The following NPAS2 variants were observed in gnomAD, a reference collection of about 807,000 sequenced individuals.
The protein encoded by NPAS2 is neuronal PAS domain protein 2, also known as neuronal PAS domain-containing protein 2.
A neutral mutation model predicts 107.5 loss-of-function variants in NPAS2; 23 were observed. The ratio of observed to expected loss-of-function variants is 0.21; its 90% CI spans 0.15 to 0.30. The LOEUF is 0.30. NPAS2 is among the 10% of genes least tolerant of loss of function. The pLI is 1.00. For synonymous variants in NPAS2, 403 were observed against 417.5 expected (o/e 0.97, Z 0.42); for missense variants, 756 against 1,043.3 (o/e 0.72, Z 3.79).
intron 9 of NPAS2, 54 bp downstream of exon 9, chr2:100,964,997 G>T (rs758412466): frequency 8.4e-7 from 1 of 1,192,400 alleles, no homozygotes; most frequent in Non-Finnish European, 1.2e-6. Context: ...TCTTGTTTGC[G>T]TGAGCCAGGC....
chr2:100,916,661 G>T (rs1682897306), intron 2 of NPAS2, among the ~76,000 whole-genome samples: 1 of 152,142 alleles, frequency 6.6e-6, no homozygotes, highest in Admixed American at 6.5e-5. Flanking sequence ...AATAGAACTA[G>T]TAGAGTAAAC....
At chr2:100,892,217 C>T (rs1415100901) in intron 1 of NPAS2, among the ~76,000 whole-genome samples, 10 of 152,200 alleles carry the variant, frequency 6.6e-5, no homozygotes, top group Non-Finnish European at 1.0e-4. Flanking sequence ...ATCCAGATAT[C>T]ATGGCCGTTT....
intron 7 of NPAS2, among the ~76,000 whole-genome samples, chr2:100,953,294 A>G (rs1675347883): frequency 6.6e-6 from 1 of 151,656 alleles, no homozygotes; most frequent in African/African-American, 2.4e-5. Flanking sequence ...GAATGGCTTG[A>G]ACCCGGGAGG....
chr2:100,925,344 T>G, intron 3 of NPAS2, 50 bp downstream of exon 3: 1 of 1,587,098 alleles, frequency 6.3e-7, no homozygotes, highest in Non-Finnish European at 8.6e-7. Flanking sequence ...CCCGTCCATG[T>G]GGTGATGACT....
chr2:100,916,505 TAAAG>T, intron 2 of NPAS2, among the ~76,000 whole-genome samples: 1 of 152,268 alleles, frequency 6.6e-6, no homozygotes, highest in African/African-American at 2.4e-5. Flanking sequence ...TTACTAGGAA[TAAAG>T]AGTGACATTA....
intron 7 of NPAS2, among the ~76,000 whole-genome samples, chr2:100,963,168 A>G (rs900814187): frequency 6.6e-6 from 1 of 152,212 alleles, no homozygotes; most frequent in African/African-American, 2.4e-5. Flanking sequence ...CAACCCCTGT[A>G]TCAGCCTGGG....
chr2:100,932,855 A>G, intron 3 of NPAS2, 55 bp from the exon 4 acceptor site: 4 of 1,228,460 alleles, frequency 3.3e-6, no homozygotes, highest in Non-Finnish European at 4.8e-6. Context: ...TCATTTGTTA[A>G]TTCCAATTTC....
rs376742331 is a variant in NPAS2 at position 100,921,213 on chromosome 2, C to T, written c.33-3933C>T. On this transcript the variant is annotated intron_variant, in intron 2 of 20. Coordinates refer to ENST00000335681, the MANE Select transcript of NPAS2 (RefSeq NM_002518.4). ...TGGAGCCAGCCTGTGGCACCACTTC[C>T]CAGACCTGTGATGGTGGTGAGTTAC... 3.5e-3 allele frequency among the ~76,000 whole-genome samples: 526 copies of T among 152,310 alleles called. 2 individuals are homozygous for T. The highest frequency in any genetic ancestry group is 0.012 in the African/African-American group (497 of 41,558).
intron 1 of NPAS2, among the ~76,000 whole-genome samples, chr2:100,834,248 C>T (rs762675945): frequency 3.3e-5 from 5 of 152,182 alleles, no homozygotes; most frequent in Non-Finnish European, 5.9e-5. Context: ...TGGGCTCAGC[C>T]GGCGCACTCT....
rs1171083234 is a variant in NPAS2 at position 100,975,548 on chromosome 2, G to A, written c.1373G>A (p.Ser458Asn). 1 of 1,611,566 alleles carries A rather than the reference G, an allele frequency of 6.2e-7. No individual in the cohort carries two copies. The change falls in exon 14 of 21, where the codon AGC (serine) becomes AAC (asparagine). Residue 458 changes from serine to asparagine, a missense_variant. Ser to Asn is a conservative substitution (Grantham distance 46, BLOSUM62 1). Coordinates refer to ENST00000335681, the MANE Select transcript of NPAS2 (RefSeq NM_002518.4). ...CAAGAGTTACCTGTCCCCGGGCTCA[G>A]CCAGGCAGCCACCATGCCGGTAAGT... ...LPQELPVPGL[S>N]QAATMPAPLP...
intron 1 of NPAS2, among the ~76,000 whole-genome samples, chr2:100,829,985 G>A (rs58570823): frequency 0.044 from 6,655 of 152,036 alleles, 401 homozygotes; most frequent in East Asian, 0.3. Flanking sequence ...GATGACAAAA[G>A]AAAAAACCTT....
chr2:100,930,663 A>G (rs1424950054), intron 3 of NPAS2, among the ~76,000 whole-genome samples: 3 of 152,176 alleles, frequency 2.0e-5, no homozygotes. Context: ...ACTTCCAAGG[A>G]GTCTAATTCA....
chr2:100,954,032 C>T (rs1573710155), intron 7 of NPAS2, among the ~76,000 whole-genome samples: 1 of 152,152 alleles, frequency 6.6e-6, no homozygotes, highest in Admixed American at 6.5e-5. Flanking sequence ...AGAGAAGCAC[C>T]GGGGTTGGTC....
intron 12 of NPAS2, among the ~76,000 whole-genome samples, chr2:100,972,380 C>T (rs769599121): frequency 4.2e-4 from 64 of 152,192 alleles, no homozygotes; most frequent in Non-Finnish European, 6.3e-4. Flanking sequence ...AGGGGAGTAC[C>T]TCTTAGAACT....
At chr2:100,837,583 G>C (rs1464656614) in intron 1 of NPAS2, among the ~76,000 whole-genome samples, 4 of 152,120 alleles carry the variant, frequency 2.6e-5, no homozygotes, top group Non-Finnish European at 4.4e-5. Context: ...AAAATGCTGC[G>C]ATTACAGGCA....
intron 12 of NPAS2, among the ~76,000 whole-genome samples, chr2:100,971,982 C>A (rs542212756): frequency 5.7e-4 from 84 of 148,244 alleles, no homozygotes; most frequent in South Asian, 8.5e-4. Context: ...CACTTTGTTG[C>A]CCCAGCTGGA....
rs564251783 is a variant in NPAS2, at chr2:100,923,297, C to T, written c.33-1849C>T. On this transcript the variant is annotated intron_variant, in intron 2 of 20. Coordinates refer to ENST00000335681, the MANE Select transcript of NPAS2 (RefSeq NM_002518.4). ...CTAGGTAAAGGGTAGTGACCACACACGTTAGCTGAGCTTTGAAGAATTGCC... is the reference window on the plus strand; with the variant it reads ...CTAGGTAAAGGGTAGTGACCACACATGTTAGCTGAGCTTTGAAGAATTGCC... Among the ~76,000 whole-genome samples, 19 of 152,166 alleles carry T rather than the reference C, an allele frequency of 1.2e-4. No individual in the cohort carries two copies. The South Asian group carries it at 3.3e-3, about 27-fold the overall frequency.
Position 100,965,824 on chromosome 2 carries a change from A to AGAGCCCT in NPAS2, c.907+59_907+60insAGCCCTG. The AGAGCCCT allele has an allele frequency of 1.8e-6, 2 of 1,097,888 alleles. No individual in the cohort carries two copies. Among genetic ancestry groups the AGAGCCCT allele is most frequent in the Non-Finnish European group, 2.8e-6 (2 of 725,736 alleles). The allele number at this position is 1,097,888 out of a possible 1,614,324, so 68.0% of individuals were successfully genotyped here. ...CCTTGCGTTCACTCCACTGGGGCCC[A>AGAGCCCT]GCAGCAGGGCTCTGGGACTCCAGAA... On this transcript the variant is annotated intron_variant, in intron 10 of 20. Coordinates refer to ENST00000335681, the MANE Select transcript of NPAS2 (RefSeq NM_002518.4). This position sits in a 1 kb window ranked among gnomAD's most constrained non-coding sequence, Gnocchi z 4.3.
chr2:100,834,914 C>T (rs1416574877), intron 1 of NPAS2, among the ~76,000 whole-genome samples: 1 of 152,088 alleles, frequency 6.6e-6, no homozygotes, highest in Non-Finnish European at 1.5e-5. Context: ...CGGGTTTCAC[C>T]ATGTTGGCCA....
Sources: gnomAD v4.1 joint callset for allele counts (sites outside exome capture counted in the v4.1 genomes callset) on GRCh38, gnomAD v4.1.1 for gene constraint, Gnocchi (gnomAD v3.1) non-coding constraint, MANE v1.5 for transcripts, NCBI Gene and HGNC (gene_info 2026-07-23, HGNC 2026-07-21) for gene names.